The following R3HDM2 variants were observed in gnomAD, a reference collection of about 807,000 sequenced individuals.
R3HDM2 encodes the protein R3H domain-containing protein 2.
R3HDM2 carries 38 observed loss-of-function variants against 124.5 expected under a neutral mutation model. The ratio of observed to expected loss-of-function variants is 0.31; its 90% CI spans 0.24 to 0.40. The LOEUF is 0.40. Among genes scored for constraint, R3HDM2 ranks in the 10% least tolerant of loss-of-function variants. R3HDM2 has a pLI of 1.00. For synonymous variants in R3HDM2, 391 were observed against 448.0 expected (o/e 0.87, Z 1.61); for missense variants, 869 against 1,236.9 (o/e 0.70, Z 4.46).
chr12:57,291,676 C>A (rs373806585), intron 11 of R3HDM2, among the ~76,000 whole-genome samples: 47 of 147,518 alleles, frequency 3.2e-4, no homozygotes, highest in South Asian at 8.7e-4. Context: ...CAAAAAAAAA[C>A]AAAATAAAAA....
rs148173879 is a variant in R3HDM2 at position 57,269,952 on chromosome 12, G to A, written c.1387C>T (p.Arg463Cys). The change falls in exon 15 of 24, where the codon CGC (arginine) becomes TGC (cysteine). Residue 463 changes from arginine to cysteine, a missense_variant. By Grantham distance (180) the Arg-to-Cys change is radical. Around this residue, in one of 2 missense-constraint regions of R3HDM2, gnomAD observed 602 missense variants for 789.2 expected, o/e 0.76. Coordinates refer to ENST00000402412, the MANE Select transcript of R3HDM2 (RefSeq NM_001394031.1). ...TCAGCTGCTTCAGTAGAACCTTGGC[G>A]ACTAAGGCTCATTTGTCCAAAGGGG... The part of the protein sequence containing the change: ...SNPFGQMSLS[R>C]QGSTEAADPS... 5.0e-6 allele frequency: 8 copies of A among 1,614,152 alleles called. No homozygotes were observed. Among genetic ancestry groups the A allele is most frequent in the East Asian group, 2.2e-5 (1 of 44,890 alleles).
chr12:57,365,538 C>T (rs2062537067), intron 2 of R3HDM2, among the ~76,000 whole-genome samples: 1 of 152,208 alleles, frequency 6.6e-6, no homozygotes, highest in African/African-American at 2.4e-5. Flanking sequence ...TAACTTTCTT[C>T]ATGATTTTTC....
At chr12:57,258,795 C>T (rs928402701) in intron 20 of R3HDM2, 95 bp downstream of exon 20, 1 of 1,184,006 alleles carries the variant, frequency 8.4e-7, no homozygotes, top group South Asian at 2.4e-5. Flanking sequence ...CAGGAAAAGA[C>T]ATGTAAAAGA....
intron 1 of R3HDM2, among the ~76,000 whole-genome samples, chr12:57,416,314 G>A (rs1423712662): frequency 2.0e-5 from 3 of 152,044 alleles, no homozygotes; most frequent in Non-Finnish European, 2.9e-5. Context: ...ATACAAATGT[G>A]GCAAAATATT....
chr12:57,291,106 A>G (rs368122728), intron 11 of R3HDM2, among the ~76,000 whole-genome samples: 26 of 152,310 alleles, frequency 1.7e-4, no homozygotes, highest in African/African-American at 5.5e-4. Flanking sequence ...GGAAGTCTAC[A>G]TAATAGGAGG....
At chr12:57,422,614 C>T (rs1341809956) in intron 1 of R3HDM2, among the ~76,000 whole-genome samples, 1 of 152,190 alleles carries the variant, frequency 6.6e-6, no homozygotes, top group African/African-American at 2.4e-5. Context: ...TCAAGAGATA[C>T]ATATGCCACT....
chr12:57,386,705 T>G (rs901729086), intron 2 of R3HDM2, among the ~76,000 whole-genome samples: 8 of 152,204 alleles, frequency 5.3e-5, no homozygotes, highest in Non-Finnish European at 1.2e-4. Flanking sequence ...CAGTGCAGGA[T>G]CCACTGGGTG....
In R3HDM2 at chr12:57,260,263, C is replaced by CAAAAAAAAAAAAAAAAAAAAAAGAA. The variant is rs2040392579; in HGVS notation, c.2132-1205_2132-1204insTTCTTTTTTTTTTTTTTTTTTTTTT. Among the ~76,000 whole-genome samples, 3 of 31,562 alleles carry CAAAAAAAAAAAAAAAAAAAAAAGAA rather than the reference C, an allele frequency of 9.5e-5. 1 individual carries two copies. Among genetic ancestry groups the CAAAAAAAAAAAAAAAAAAAAAAGAA allele is most frequent in the Non-Finnish European group, 1.6e-4 (3 of 18,822 alleles). 20.7% of individuals were successfully genotyped at this position (31,562 alleles called of 152,430 possible). A position where few individuals can be genotyped will look rare whatever the true frequency, so the allele number is the denominator to read the frequency against. ...TGGGTGACAGAATGAGACCCTGCCT[C>CAAAAAAAAAAAAAAAAAAAAAAGAA]AAAAAAAAAAAAAAAAAAAAAAGCC... On this transcript the variant is annotated intron_variant, in intron 19 of 23. Coordinates refer to ENST00000402412, the MANE Select transcript of R3HDM2 (RefSeq NM_001394031.1).
intron 2 of R3HDM2, among the ~76,000 whole-genome samples, chr12:57,371,708 A>G (rs1274814295): frequency 6.6e-6 from 1 of 152,232 alleles, no homozygotes; most frequent in Non-Finnish European, 1.5e-5. Context: ...AACAAAAAGT[A>G]AATATCATCA....
intron 2 of R3HDM2, among the ~76,000 whole-genome samples, chr12:57,370,081 T>C (rs1411455092): frequency 1.3e-5 from 2 of 152,220 alleles, no homozygotes; most frequent in African/African-American, 4.8e-5. Flanking sequence ...GGTTTGGCTC[T>C]GTGTCCCCAC....
chr12:57,263,314 G>T (rs2041362854), intron 19 of R3HDM2, among the ~76,000 whole-genome samples: 1 of 152,172 alleles, frequency 6.6e-6, no homozygotes, highest in Non-Finnish European at 1.5e-5. Flanking sequence ...AGTGCTTCTT[G>T]GAGCTGGTTT....
chr12:57,413,834 T>C (rs572809182), intron 1 of R3HDM2, among the ~76,000 whole-genome samples: 4 of 136,616 alleles, frequency 2.9e-5, no homozygotes, highest in African/African-American at 1.1e-4. Flanking sequence ...GTCTTAGATC[T>C]GTAATCCCCC....
At chr12:57,327,446 G>A (rs1450542127) in intron 2 of R3HDM2, among the ~76,000 whole-genome samples, 8 of 136,848 alleles carry the variant, frequency 5.8e-5, no homozygotes, top group African/African-American at 1.4e-4. Context: ...CAGCCTGGGC[G>A]ACAGAGCAAG....
At chr12:57,338,552 G>T (rs868701659) in intron 2 of R3HDM2, among the ~76,000 whole-genome samples, 5 of 152,094 alleles carry the variant, frequency 3.3e-5, no homozygotes, top group South Asian at 2.1e-4. Flanking sequence ...ACCACGCCCA[G>T]CTAATTTATT....
At chr12:57,424,114 C>CAAAAA (rs35579430) in intron 1 of R3HDM2, among the ~76,000 whole-genome samples, 7 of 63,864 alleles carry the variant, frequency 1.1e-4, no homozygotes, top group East Asian at 5.5e-4. Context: ...AACTCTGTCT[C>CAAAAA]AAAAAAAAAA....
chr12:57,335,607 C>T (rs1261029580), intron 2 of R3HDM2, among the ~76,000 whole-genome samples: 1 of 151,476 alleles, frequency 6.6e-6, no homozygotes, highest in Non-Finnish European at 1.5e-5. Context: ...AACCAATCCT[C>T]CTGCCTCAGC....
intron 2 of R3HDM2, among the ~76,000 whole-genome samples, chr12:57,361,304 G>A (rs1388463310): frequency 6.7e-6 from 1 of 148,524 alleles, no homozygotes; most frequent in East Asian, 2.0e-4. Context: ...GAACCTGTGA[G>A]GAGGAGGTTG....
At chr12:57,366,776 G>C (rs1451688066) in intron 2 of R3HDM2, among the ~76,000 whole-genome samples, 1 of 152,016 alleles carries the variant, frequency 6.6e-6, no homozygotes, top group African/African-American at 2.4e-5. Flanking sequence ...TGCAAGCTCT[G>C]CCTCCCAGGT....
In R3HDM2 at chr12:57,283,901, C is replaced by A; in HGVS notation, c.1094G>T (p.Ser365Ile). Residue 365 changes from serine (S) to isoleucine (I), a missense_variant, in exon 13 of 24, where the codon AGT becomes ATT. Ser to Ile is a moderately radical substitution (Grantham distance 142). Coordinates refer to ENST00000402412, the MANE Select transcript of R3HDM2 (RefSeq NM_001394031.1). ...RPPVTKASSF[S>I]GISILTRGDS... The stretch of plus-strand genomic sequence containing the variant: ...ACCTCGGGTAAGGATAGAGATTCCA[C>A]TGAAGCTGCTAGCTTTGGTGACAGG... 6.2e-7 allele frequency: 1 copy of A among 1,614,196 alleles called. No homozygotes were observed. The highest frequency in any genetic ancestry group is 2.2e-5 in the East Asian group (1 of 44,876).
Sources: allele counts gnomAD v4.1 joint callset (sites outside exome capture counted in the v4.1 genomes callset), GRCh38; gene constraint gnomAD v4.1.1; regional missense constraint gnomAD v4.1.1; transcripts MANE v1.5; gene names NCBI Gene and HGNC (gene_info 2026-07-23, HGNC 2026-07-21).